TUBGCP5: variants seen among roughly 807,000 people sequenced by gnomAD.
TUBGCP5 encodes tubulin gamma complex component 5.
A neutral mutation model predicts 134.7 loss-of-function variants in TUBGCP5; 98 were observed. That is an observed-to-expected ratio of 0.73 (90% CI 0.62 to 0.86). The LOEUF (loss-of-function observed/expected upper bound fraction) is 0.86, where lower values mean the gene tolerates loss of function less well. TUBGCP5 is among the 40% of genes least tolerant of loss of function. The probability of loss-of-function intolerance (pLI) is 0.00; values close to 1 mark genes in which losing one functional copy is unlikely to be tolerated. For missense variants in TUBGCP5, 1,150 were observed against 1,244.8 expected (o/e 0.92, Z 1.15); for synonymous variants, 456 against 431.4 (o/e 1.06, Z -0.71).
In TUBGCP5 at chr15:23,005,600, A is replaced by G. The variant is rs768986906; in HGVS notation, c.2544T>C (p.Ser848=). The change falls in exon 19 of 23, where the codon AGT becomes AGC. Residue 848 remains serine (S), a synonymous_variant. Coordinates refer to ENST00000615383, the MANE Select transcript of TUBGCP5 (RefSeq NM_052903.6). The part of the protein sequence containing the change: ...LDVLLFGELV[S]TAEKPRLKEG... ...CTTTAAGTCGTGGTTTTTCTGCAGT[A>G]CTAACCAGTTCTATAAAACATTGGA... is the stretch of plus-strand genomic sequence containing the variant. 2.0e-5 allele frequency: 32 copies of G among 1,613,476 alleles called. No homozygotes were observed. In the African/African-American group the frequency reaches 3.3e-4, roughly 17 times the overall value.
rs1046323468 is a variant in TUBGCP5 at position 23,013,202 on chromosome 15, C to T, written c.1757-1871G>A. On this transcript the variant is annotated intron_variant, in intron 13 of 22. Transcript: ENST00000615383. This position sits in a 1 kb window ranked among gnomAD's most constrained non-coding sequence, Gnocchi z 4.5. ...GGGTGGTGACTCACACCTGTAATCC[C>T]AACACTTCAGGAGGCCGAGGCGGGC... Among the ~76,000 whole-genome samples, 2 of 151,842 alleles carry T rather than the reference C, an allele frequency of 1.3e-5. No individual in the cohort carries two copies. The highest frequency in any genetic ancestry group is 4.8e-5 in the African/African-American group (2 of 41,338).
chr15:22,997,599 G>A (rs981109494), downstream of TUBGCP5, among the ~76,000 whole-genome samples: 1 of 151,612 alleles, frequency 6.6e-6, no homozygotes, highest in Admixed American at 6.6e-5. Context: ...TCCAGTTCTA[G>A]CTTTCATATT....
At chr15:22,990,698 C>G (rs2063819453) in intron 23 of TUBGCP5, among the ~76,000 whole-genome samples, 2 of 152,240 alleles carry the variant, frequency 1.3e-5, no homozygotes, top group South Asian at 4.1e-4. Context: ...TTATAGCAGC[C>G]TTAACAGACT....
intron 23 of TUBGCP5, among the ~76,000 whole-genome samples, chr15:22,992,159 T>C (rs1447666964): frequency 3.3e-5 from 5 of 152,210 alleles, no homozygotes; most frequent in Non-Finnish European, 7.4e-5. Context: ...GCGTAATAAA[T>C]CCAGACAGTC....
chr15:23,031,932 A>T lies in TUBGCP5; in HGVS notation c.486+18T>A, dbSNP rs753910441. On this transcript the variant is annotated intron_variant, in intron 5 of 22. Coordinates refer to ENST00000615383, the MANE Select transcript of TUBGCP5 (RefSeq NM_052903.6). ...GGCGTGTATTTCAATTTTCAATAGC[A>T]AAACTACTACCACTTACTGGTGTGT... is the stretch of plus-strand genomic sequence containing the variant. 1 of 1,586,152 alleles carries T rather than the reference A, an allele frequency of 6.3e-7. No individual in the cohort carries two copies. The highest frequency in any genetic ancestry group is 8.6e-7 in the Non-Finnish European group (1 of 1,165,008).
chr15:23,039,031 TTA>T (rs1491381256), intron 1 of TUBGCP5, among the ~76,000 whole-genome samples: 3 of 126,794 alleles, frequency 2.4e-5, no homozygotes, highest in Admixed American at 7.2e-5. Flanking sequence ...TCTCTTTAAT[TTA>T]AAAAAAAAAA....
intron 3 of TUBGCP5, among the ~76,000 whole-genome samples, chr15:23,033,363 A>C (rs7495969): frequency 0.18 from 27,146 of 151,530 alleles, 3,416 homozygotes; most frequent in East Asian, 0.5. Context: ...CCGCAACCTC[A>C]GCCTCCCCTG....
At position 23,006,109 on chromosome 15, in the gene TUBGCP5, G is replaced by C; in HGVS notation, c.2476C>G (p.Leu826Val). The C allele has an allele frequency of 6.2e-7, 1 of 1,612,240 alleles. No homozygotes were observed. The highest frequency in any genetic ancestry group is 2.2e-5 in the East Asian group (1 of 44,814). ...ECQKIYNQVF[L>V]LLLQIKWAKY... ...GCCCACTTTATTTGCAATAAGAGAA[G>C]AAACACTTGATTATAAATTTTTTGA... The change falls in exon 18 of 23, where the codon CTT (leucine) becomes GTT (valine). Residue 826 changes from leucine (L) to valine (V), a missense_variant. Physicochemically the swap from Leu to Val is conservative, Grantham distance 32 (BLOSUM62 1). Around this residue, in one of 2 missense-constraint regions of TUBGCP5, gnomAD observed 697 missense variants for 850.1 expected, o/e 0.82. Transcript: ENST00000615383.
At position 23,003,170 on chromosome 15, in the gene TUBGCP5, C is replaced by T. The variant is rs1224453894; in HGVS notation, c.2839-17G>A. The T allele has an allele frequency of 6.2e-7, 1 of 1,612,644 alleles. No homozygotes were observed. The highest frequency in any genetic ancestry group is 1.7e-5 in the Admixed American group (1 of 60,012). On this transcript the variant is annotated splice_polypyrimidine_tract_variant and intron_variant, in intron 20 of 22. Transcript: ENST00000615383. The stretch of plus-strand genomic sequence containing the variant: ...AAAGCTGACCTGCAGACCAAAGTCA[C>T]AGAACACAAACTGTGTAACTAGGTT...
At chr15:23,029,140 A>G (rs2066149649) in intron 6 of TUBGCP5, among the ~76,000 whole-genome samples, 1 of 152,228 alleles carries the variant, frequency 6.6e-6, no homozygotes, top group Non-Finnish European at 1.5e-5. Flanking sequence ...AGCTATTATT[A>G]TGTTAAGGCA....
chr15:23,022,372 A>G (rs1385146070), intron 10 of TUBGCP5, among the ~76,000 whole-genome samples: 4 of 152,222 alleles, frequency 2.6e-5, no homozygotes, highest in Non-Finnish European at 5.9e-5. Flanking sequence ...AAAATAATGT[A>G]TAAAGGAACT....
intron 23 of TUBGCP5, among the ~76,000 whole-genome samples, chr15:22,992,710 T>C (rs1379388440): frequency 6.6e-6 from 1 of 152,078 alleles, no homozygotes; most frequent in Non-Finnish European, 1.5e-5. Flanking sequence ...GAAGAGGGCT[T>C]AAAAGAAAGT....
Position 23,011,323 on chromosome 15 carries a change from T to C in TUBGCP5, c.1765A>G (p.Arg589Gly). 1.2e-6 allele frequency: 2 copies of C among 1,609,660 alleles called. No individual in the cohort carries two copies. Among genetic ancestry groups the C allele is most frequent in the Non-Finnish European group, 8.5e-7 (1 of 1,177,604 alleles). ...TCQAGARDAERKSLYTLFLES... is the reference protein window; with the variant it reads ...TCQAGARDAEGKSLYTLFLES... ...AGAAAGAGAGTGTATAAACTTTTTC[T>C]TTCTGCATCTGAAACATAAAGAAAT... is the stretch of plus-strand genomic sequence containing the variant. The change falls in exon 14 of 23, where the codon AGA becomes GGA. Residue 589 changes from arginine to glycine, a missense_variant. Around this residue, in one of 2 missense-constraint regions of TUBGCP5, gnomAD observed 697 missense variants for 850.1 expected, o/e 0.82. Transcript: ENST00000615383.
At chr15:23,022,269 G>A (rs2065748735) in intron 10 of TUBGCP5, 108 bp from the exon 11 acceptor site, 2 of 1,083,652 alleles carry the variant, frequency 1.8e-6, no homozygotes, top group Non-Finnish European at 2.8e-6. Flanking sequence ...AGGGCAAAAT[G>A]GAGGACGGTG....
At chr15:23,017,576 A>G (rs117689074) in intron 13 of TUBGCP5, among the ~76,000 whole-genome samples, 197 bp downstream of exon 13, 2,881 of 152,318 alleles carry the variant, frequency 0.019, 78 homozygotes, top group Admixed American at 0.081. Context: ...ACACAGCACT[A>G]AAAGTTTTCA....
At chr15:22,995,534 C>T (rs1321011187), downstream of TUBGCP5, among the ~76,000 whole-genome samples, 1 of 146,732 alleles carries the variant, frequency 6.8e-6, no homozygotes, top group Non-Finnish European at 1.5e-5. Context: ...GAGATCGCAC[C>T]ACTGCAATCC....
intron 23 of TUBGCP5, among the ~76,000 whole-genome samples, chr15:22,985,253 T>C (rs900795608): frequency 1.3e-5 from 2 of 152,122 alleles, no homozygotes; most frequent in Non-Finnish European, 1.5e-5. Context: ...AGTTTCACTC[T>C]TGTTGCCCAG....
intron 23 of TUBGCP5, among the ~76,000 whole-genome samples, chr15:22,985,133 G>T (rs1425628190): frequency 2.0e-5 from 3 of 152,180 alleles, no homozygotes; most frequent in African/African-American, 7.2e-5. Flanking sequence ...TCCTATGATG[G>T]TAATTCTACT....
At chr15:23,001,112 G>A (rs1169008030) in intron 21 of TUBGCP5, among the ~76,000 whole-genome samples, 1 of 152,028 alleles carries the variant, frequency 6.6e-6, no homozygotes, top group Admixed American at 6.5e-5. Flanking sequence ...GCACGATCTC[G>A]GCTCACTGTA....
Sources: gnomAD v4.1 joint callset for allele counts (sites outside exome capture counted in the v4.1 genomes callset) on GRCh38, gnomAD v4.1.1 for gene constraint, gnomAD v4.1.1 regional missense constraint, Gnocchi (gnomAD v3.1) non-coding constraint, MANE v1.5 for transcripts, NCBI Gene and HGNC (gene_info 2026-07-23, HGNC 2026-07-21) for gene names.